Variants in USH2A observed in about 807,000 individuals in gnomAD.
The protein encoded by USH2A is Usher syndrome 2A (autosomal recessive, mild).
A neutral mutation model predicts 538.9 loss-of-function variants in USH2A; 443 were observed. That is an observed-to-expected ratio of 0.82 (90% CI 0.76 to 0.89). The LOEUF (loss-of-function observed/expected upper bound fraction) is 0.89. Among genes scored for constraint, USH2A ranks in the 40% least tolerant of loss-of-function variants. The probability of loss-of-function intolerance (pLI) is 0.00; values close to 1 mark genes in which losing one functional copy is unlikely to be tolerated. For synonymous variants in USH2A, 2,413 were observed against 2,273.5 expected (o/e 1.06, Z -1.75); for missense variants, 6,633 against 6,324.8 (o/e 1.05, Z -1.65).
At chr1:215,907,428 C>G (rs1025427687) in intron 38 of USH2A, among the ~76,000 whole-genome samples, 1 of 152,034 alleles carries the variant, frequency 6.6e-6, no homozygotes, top group Non-Finnish European at 1.5e-5. Flanking sequence ...TTCTCTCCAA[C>G]TAGTTTCCAT....
intron 20 of USH2A, among the ~76,000 whole-genome samples, 162 bp downstream of exon 20, chr1:216,190,061 G>A (rs757768838): frequency 4.6e-5 from 7 of 151,850 alleles, no homozygotes; most frequent in Non-Finnish European, 7.4e-5. Context: ...TTTAAGTTAC[G>A]TTTTGGTTGT....
intron 11 of USH2A, among the ~76,000 whole-genome samples, chr1:216,254,950 T>C (rs528430286): frequency 6.6e-6 from 1 of 152,350 alleles, no homozygotes; most frequent in Admixed American, 6.5e-5. Context: ...TTTCTACACC[T>C]AGCTGCCAAG....
chr1:215,727,028 G>A lies in USH2A; in HGVS notation c.12066+1002C>T, dbSNP rs1453885432. Among the ~76,000 whole-genome samples the A allele has an allele frequency of 2.0e-5, 3 of 152,232 alleles. No individual in the cohort carries two copies. The East Asian group carries it at 5.8e-4, about 29-fold the overall frequency. ...TATATTCCATAGACCATGAGGTTAT[G>A]CTGGACATAAAGAAAGCACTCAGGA... On this transcript the variant is annotated intron_variant, in intron 61 of 71. Coordinates refer to ENST00000307340, the MANE Select transcript of USH2A (RefSeq NM_206933.4).
At chr1:215,826,046 T>C (rs576163299) in intron 47 of USH2A, among the ~76,000 whole-genome samples, 2 of 152,200 alleles carry the variant, frequency 1.3e-5, no homozygotes, top group Admixed American at 6.5e-5. Context: ...TAGAGAATTC[T>C]AGTGGCCAGA....
intron 14 of USH2A, among the ~76,000 whole-genome samples, chr1:216,221,376 A>G (rs1006032830): frequency 2.0e-5 from 3 of 152,178 alleles, no homozygotes. Flanking sequence ...CCCGATTAAC[A>G]GAGGAGCTGT....
In USH2A at chr1:215,925,459, G is replaced by A. The variant is rs567066835; in HGVS notation, c.7300+9157C>T. On this transcript the variant is annotated intron_variant, in intron 38 of 71. Transcript: ENST00000307340. Reference sequence around the variant, plus strand: ...AGTAAAACATTATGCACAACTATTCGAAAGATTCATATGAACTGGATGTAA... The same window carrying A: ...AGTAAAACATTATGCACAACTATTCAAAAGATTCATATGAACTGGATGTAA... Among the ~76,000 whole-genome samples, 322 of 152,212 alleles carry A rather than the reference G, an allele frequency of 2.1e-3. 4 individuals are homozygous for A. Among genetic ancestry groups the A allele is most frequent in the South Asian group, 0.017 (84 of 4,828 alleles).
At chr1:215,996,558 A>ATGTTTTTTTTT (rs1558201491) in intron 34 of USH2A, among the ~76,000 whole-genome samples, 1 of 46,070 alleles carries the variant, frequency 2.2e-5, no homozygotes, top group Non-Finnish European at 4.1e-5. Context: ...GCAACATATT[A>ATGTTTTTTTTT]TGTTTTTTTT....
chr1:216,065,621 G>A (rs1216054744), intron 30 of USH2A, among the ~76,000 whole-genome samples: 1 of 152,234 alleles, frequency 6.6e-6, no homozygotes, highest in Non-Finnish European at 1.5e-5. Flanking sequence ...ATGCAGCTGG[G>A]TGCAGTGGCT....
rs371832638 is a variant in USH2A, at chr1:216,175,253, A to G, written c.4626T>C (p.Thr1542=). The change falls in exon 21 of 72, where the codon ACT becomes ACC. Residue 1542 remains threonine, a splice_region_variant and synonymous_variant. Transcript: ENST00000307340. ...TAAAGCAATGTCAAACACACTTACC[A>G]GTGAAGTCTGTATTGACTGGGTGAG... ...SSTHPVNTDF[T]GIKASFRTKV... is the part of the protein sequence containing the mutation. The G allele has an allele frequency of 1.9e-6, 3 of 1,613,578 alleles. No individual in the cohort carries two copies. The highest frequency in any genetic ancestry group is 2.7e-5 in the African/African-American group (2 of 74,924).
intron 20 of USH2A, among the ~76,000 whole-genome samples, chr1:216,183,290 G>T (rs955300691): frequency 2.6e-5 from 4 of 151,610 alleles, no homozygotes; most frequent in African/African-American, 7.3e-5. Flanking sequence ...GCACCGATTT[G>T]GTTCTTATAA....
rs1558120358 is a variant in USH2A, at chr1:215,836,558, TATATA to T, written c.9371+1428_9371+1432del. Among the ~76,000 whole-genome samples the T allele has an allele frequency of 2.4e-4, 5 of 21,172 alleles. 1 individual carries two copies. Among genetic ancestry groups the T allele is most frequent in the East Asian group, 1.6e-3 (1 of 624 alleles). 13.9% of individuals were successfully genotyped at this position (21,172 alleles called of 152,430 possible). ...TATATATATAATATATATATATATATATATATATTTTTTTTTGAGACAGAGTATCA... is the reference window on the plus strand; with the variant it reads ...TATATATATAATATATATATATATATTATTTTTTTTTGAGACAGAGTATCA... On this transcript the variant is annotated intron_variant, in intron 47 of 71. Transcript: ENST00000307340.
Position 215,813,862 on chromosome 1 carries a change from G to A in USH2A, c.9613C>T (p.Arg3205Cys), listed in dbSNP as rs781059952. 1.3e-5 allele frequency: 21 copies of A among 1,613,720 alleles called. No individual in the cohort carries two copies. Among genetic ancestry groups the A allele is most frequent in the Admixed American group, 5.0e-5 (3 of 59,978 alleles). Residue 3205 changes from arginine to cysteine, a missense_variant, in exon 49 of 72, where the codon CGC becomes TGC. Transcript: ENST00000307340. ...GGGATATACTTTTCTTCACAACAGCGATGTCCAGGCTTGGGGTTATAGAGC... is the reference window on the plus strand; with the variant it reads ...GGGATATACTTTTCTTCACAACAGCAATGTCCAGGCTTGGGGTTATAGAGC... ...GVLYNPKPGHRCCEEKYIPFV... is the reference protein window; with the variant it reads ...GVLYNPKPGHCCCEEKYIPFV...
intron 4 of USH2A, among the ~76,000 whole-genome samples, chr1:216,352,826 CT>C (rs1403040352): frequency 6.6e-6 from 1 of 151,926 alleles, no homozygotes; most frequent in Admixed American, 6.6e-5. Flanking sequence ...CTCTTTTATT[CT>C]TTTTGTTAAT....
chr1:216,329,095 T>C (rs1166331866), intron 4 of USH2A, among the ~76,000 whole-genome samples: 2 of 152,130 alleles, frequency 1.3e-5, no homozygotes, highest in Admixed American at 6.6e-5. Context: ...TTCTCTACTC[T>C]ATCTATCCTA....
At chr1:216,104,813 T>G (rs1558260856) in intron 21 of USH2A, among the ~76,000 whole-genome samples, 1 of 152,060 alleles carries the variant, frequency 6.6e-6, no homozygotes, top group African/African-American at 2.4e-5. Context: ...AAGCCAAAAT[T>G]GACAAATGGG....
chr1:215,971,744 T>A lies in USH2A; in HGVS notation c.6806-968A>T, dbSNP rs1463271342. Among the ~76,000 whole-genome samples the A allele has an allele frequency of 2.0e-5, 3 of 152,288 alleles. No homozygotes were observed. The East Asian group carries it at 5.8e-4, about 29-fold the overall frequency. On this transcript the variant is annotated intron_variant, in intron 35 of 71. Transcript: ENST00000307340. ...TTTATTTCTGCTTATGACACAGAGA[T>A]TTGTATATTGTAGCCAATTTTCCGT... is the stretch of plus-strand genomic sequence containing the variant.
At chr1:215,835,510 T>G (rs1183837805) in intron 47 of USH2A, among the ~76,000 whole-genome samples, 1 of 152,114 alleles carries the variant, frequency 6.6e-6, no homozygotes, top group African/African-American at 2.4e-5. Context: ...TAGCCCTCAG[T>G]TTCTCCAGAG....
intron 11 of USH2A, among the ~76,000 whole-genome samples, chr1:216,260,255 A>C (rs2036344842): frequency 6.6e-6 from 1 of 152,230 alleles, no homozygotes; most frequent in Admixed American, 6.6e-5. Flanking sequence ...AAATATTGAC[A>C]ACATTCTTGA....
rs544759670 is a variant in USH2A at position 215,965,230 on chromosome 1, G to T, written c.7120+87C>A. On this transcript the variant is annotated intron_variant, in intron 37 of 71. Coordinates refer to ENST00000307340, the MANE Select transcript of USH2A (RefSeq NM_206933.4). ...AAGAAACCAACATCTGTGGCTAAAAGAAAGATTTTAGCCAAAAGAAAGATT... is the reference window on the plus strand; with the variant it reads ...AAGAAACCAACATCTGTGGCTAAAATAAAGATTTTAGCCAAAAGAAAGATT... 48 of 1,433,704 alleles carry T rather than the reference G, an allele frequency of 3.3e-5. No homozygotes were observed. The South Asian group carries it at 5.3e-4, about 16-fold the overall frequency. 88.8% of individuals were successfully genotyped at this position (1,433,704 alleles called of 1,614,324 possible).
Sources: gnomAD v4.1 joint callset for allele counts (sites outside exome capture counted in the v4.1 genomes callset) on GRCh38, gnomAD v4.1.1 for gene constraint, MANE v1.5 for transcripts, NCBI Gene and HGNC (gene_info 2026-07-23, HGNC 2026-07-21) for gene names.